MDGA2: variants seen among roughly 807,000 people sequenced by gnomAD.
The protein encoded by MDGA2 is MAM domain containing glycosylphosphatidylinositol anchor 2, also known as MAM domain-containing glycosylphosphatidylinositol anchor protein 2.
Under a neutral mutation model 117.8 loss-of-function variants are expected in MDGA2, and 40 were observed. That is an observed-to-expected ratio of 0.34 (90% confidence interval 0.26 to 0.44). MDGA2 has a LOEUF of 0.44. MDGA2 is among the 20% of genes least tolerant of loss of function. MDGA2 has a pLI of 1.00. For missense variants in MDGA2, 1,123 were observed against 1,250.6 expected (o/e 0.90, Z 1.54); for synonymous variants, 452 against 439.0 (o/e 1.03, Z -0.37).
At chr14:46,904,351 C>T in intron 10 of MDGA2, among the ~76,000 whole-genome samples, 1 of 138,116 alleles carries the variant, frequency 7.2e-6, no homozygotes, top group East Asian at 2.1e-4. Flanking sequence ...GAGGGAGACT[C>T]TGTCTCAAAA....
intron 10 of MDGA2, among the ~76,000 whole-genome samples, chr14:46,908,531 G>A (rs1460321034): frequency 6.6e-6 from 1 of 152,088 alleles, no homozygotes; most frequent in Non-Finnish European, 1.5e-5. Flanking sequence ...AATGCCTCCT[G>A]GATTCTCATA....
intron 8 of MDGA2, among the ~76,000 whole-genome samples, chr14:46,990,897 C>T (rs968957134): frequency 1.6e-4 from 21 of 133,342 alleles, no homozygotes; most frequent in African/African-American, 5.7e-4. Flanking sequence ...CACACACACA[C>T]ACACCCCGCG....
intron 1 of MDGA2, among the ~76,000 whole-genome samples, chr14:47,328,839 A>C (rs988392905): frequency 1.3e-5 from 2 of 152,120 alleles, no homozygotes; most frequent in African/African-American, 4.8e-5. Flanking sequence ...CTGCCCAATA[A>C]GCCAATTAAG....
chr14:46,945,092 TAA>T (rs1291469244), intron 9 of MDGA2, among the ~76,000 whole-genome samples: 1 of 152,124 alleles, frequency 6.6e-6, no homozygotes, highest in Non-Finnish European at 1.5e-5. Flanking sequence ...TTTCACCCTG[TAA>T]AGAGTGCCAA....
intron 14 of MDGA2, among the ~76,000 whole-genome samples, chr14:46,859,723 T>C (rs1329159156): frequency 6.6e-6 from 1 of 152,198 alleles, no homozygotes; most frequent in Non-Finnish European, 1.5e-5. Context: ...ACAGGACTTA[T>C]CTGATATCAT....
intron 7 of MDGA2, among the ~76,000 whole-genome samples, chr14:47,057,727 C>G (rs1425481116): frequency 1.3e-5 from 2 of 150,960 alleles, no homozygotes; most frequent in South Asian, 2.1e-4. Flanking sequence ...CCTGCCCTAC[C>G]TTGCCCTGCC....
At chr14:47,170,173 A>G (rs1412946582) in intron 3 of MDGA2, among the ~76,000 whole-genome samples, 2 of 152,104 alleles carry the variant, frequency 1.3e-5, no homozygotes, top group African/African-American at 4.8e-5. Context: ...TTTGGCTTCT[A>G]GTCTCACTCC....
intron 1 of MDGA2, among the ~76,000 whole-genome samples, chr14:47,614,533 G>C (rs1325518076): frequency 6.6e-6 from 1 of 152,110 alleles, no homozygotes; most frequent in East Asian, 1.9e-4. Flanking sequence ...ATAAATTATA[G>C]ATTAATTTTA....
chr14:47,146,186 A>G (rs1882937983), intron 3 of MDGA2, among the ~76,000 whole-genome samples: 1 of 152,222 alleles, frequency 6.6e-6, no homozygotes, highest in East Asian at 1.9e-4. Flanking sequence ...AAAGTAAAGA[A>G]CAGAATCCAA....
chr14:46,939,714 C>T (rs938457551), intron 9 of MDGA2, among the ~76,000 whole-genome samples: 2 of 152,160 alleles, frequency 1.3e-5, no homozygotes, highest in African/African-American at 4.8e-5. Context: ...TATTCACAGT[C>T]TCATGCAAGA....
chr14:47,382,154 T>A (rs1369526812), intron 1 of MDGA2, among the ~76,000 whole-genome samples: 1 of 152,106 alleles, frequency 6.6e-6, no homozygotes, highest in Non-Finnish European at 1.5e-5. Context: ...TAGCCATACG[T>A]AGAAAGCTGA....
At chr14:47,522,353 A>G (rs75071615) in intron 1 of MDGA2, among the ~76,000 whole-genome samples, 35,313 of 146,948 alleles carry the variant, frequency 0.24, 4,992 homozygotes, top group South Asian at 0.47. Flanking sequence ...ATGTATATAT[A>G]TGTATATATG....
chr14:47,254,826 G>A (rs1158191769), intron 2 of MDGA2, among the ~76,000 whole-genome samples: 1 of 152,212 alleles, frequency 6.6e-6, no homozygotes, highest in Non-Finnish European at 1.5e-5. Flanking sequence ...AAAGGAAAGA[G>A]GCTTGGGTGG....
chr14:47,101,894 T>C (rs1484896337), intron 5 of MDGA2, among the ~76,000 whole-genome samples: 1 of 152,184 alleles, frequency 6.6e-6, no homozygotes, highest in African/African-American at 2.4e-5. Context: ...CTGGGGTTCA[T>C]GCCCACTAAA....
intron 2 of MDGA2, among the ~76,000 whole-genome samples, chr14:47,296,954 A>G (rs549978919): frequency 6.6e-6 from 1 of 152,308 alleles, no homozygotes; most frequent in Non-Finnish European, 1.5e-5. Context: ...ACTTTAGTGG[A>G]CATCAGATTC....
chr14:47,005,286 A>G (rs951719973), intron 8 of MDGA2, among the ~76,000 whole-genome samples: 7 of 151,502 alleles, frequency 4.6e-5, no homozygotes, highest in Non-Finnish European at 1.5e-5. Flanking sequence ...CTAGTTATCT[A>G]AGAGGTTTTT....
chr14:47,448,226 C>G (rs1396194484), intron 1 of MDGA2, among the ~76,000 whole-genome samples: 1 of 152,010 alleles, frequency 6.6e-6, no homozygotes, highest in Non-Finnish European at 1.5e-5. Context: ...TCTCTGCTCA[C>G]TGCAACCTCC....
chr14:46,995,860 A>C (rs951619191), intron 8 of MDGA2, among the ~76,000 whole-genome samples: 1 of 152,024 alleles, frequency 6.6e-6, no homozygotes, highest in African/African-American at 2.4e-5. Flanking sequence ...AGCAAGTTAA[A>C]CAACAAATTT....
chr14:47,318,809 A>AGAAGGAAGCAAGGAAG (rs1555373006), intron 1 of MDGA2, among the ~76,000 whole-genome samples: 39 of 91,750 alleles, frequency 4.3e-4, no homozygotes, highest in African/African-American at 1.0e-3. Context: ...AAGGGAGGAA[A>AGAAGGAAGCAAGGAAG]GAAGGAAGGA....
Sources: allele counts gnomAD v4.1 joint callset (sites outside exome capture counted in the v4.1 genomes callset), GRCh38; gene constraint gnomAD v4.1.1; transcripts MANE v1.5; gene names NCBI Gene and HGNC (gene_info 2026-07-23, HGNC 2026-07-21).